HHAT: variants seen among roughly 807,000 people sequenced by gnomAD.
HHAT encodes the protein protein-cysteine N-palmitoyltransferase HHAT.
HHAT carries 47 observed loss-of-function variants against 70.8 expected under a neutral mutation model. The ratio of observed to expected loss-of-function variants is 0.66; its 90% CI spans 0.53 to 0.85. The LOEUF (loss-of-function observed/expected upper bound fraction) is 0.85. Among genes scored for constraint, HHAT ranks in the 40% least tolerant of loss-of-function variants. The pLI, the probability that HHAT is intolerant of heterozygous loss-of-function variation, is 0.00. For synonymous variants in HHAT, 228 were observed against 247.6 expected, an observed-to-expected ratio of 0.92 and a Z score of 0.74; for missense variants, 609 against 604.8, an observed-to-expected ratio of 1.01 and a Z score of -0.07.
In HHAT at chr1:210,666,859, G is replaced by A. The variant is rs537032728; in HGVS notation, c.1391-7429G>A. On this transcript the variant is annotated intron_variant, in intron 11 of 11. Transcript: ENST00000261458. ...TGTAATCCCAGCACTTTGGGAGGCC[G>A]AGGCAGGCAGATCACTAGGTCAGGA... is the stretch of plus-strand genomic sequence containing the variant. 3.9e-5 allele frequency among the ~76,000 whole-genome samples: 6 copies of A among 151,974 alleles called. No homozygotes were observed. The East Asian group carries it at 5.9e-4, about 15-fold the overall frequency.
rs186472913 is a variant in HHAT, at chr1:210,391,882, C to G, written c.273+4301C>G. ...AGTGCTATGTGATTTTTTTTTCCCC[C>G]CTTTACAGACAGGATCTCATTGTGT... On this transcript the variant is annotated intron_variant, in intron 4 of 11. Coordinates refer to ENST00000261458, the MANE Select transcript of HHAT (RefSeq NM_018194.6). 4.2e-4 allele frequency among the ~76,000 whole-genome samples: 64 copies of G among 151,962 alleles called. No individual in the cohort carries two copies. In the East Asian group the frequency reaches 0.011, roughly 27 times the overall value.
In HHAT at chr1:210,598,126, G is replaced by A. The variant is rs528272850; in HGVS notation, c.1245+10027G>A. On this transcript the variant is annotated intron_variant, in intron 10 of 11. Coordinates refer to ENST00000261458, the MANE Select transcript of HHAT (RefSeq NM_018194.6). ...AGGGTGTGTCTAGAAATGTCTGGGAGGTAGGGGTTGGGATGGGGGCCTCAA... is the reference window on the plus strand; with the variant it reads ...AGGGTGTGTCTAGAAATGTCTGGGAAGTAGGGGTTGGGATGGGGGCCTCAA... Among the ~76,000 whole-genome samples the A allele has an allele frequency of 1.9e-3, 293 of 152,032 alleles. 1 individual carries two copies. The highest frequency in any genetic ancestry group is 1.2e-3 in the Non-Finnish European group (84 of 67,988).
intron 1 of HHAT, among the ~76,000 whole-genome samples, chr1:210,337,200 A>G (rs1369188307): frequency 6.6e-6 from 1 of 152,200 alleles, no homozygotes; most frequent in East Asian, 1.9e-4. Flanking sequence ...ATTTTCTTCC[A>G]ATTTAAGTTT....
intron 9 of HHAT, among the ~76,000 whole-genome samples, chr1:210,573,228 T>C (rs1429050980): frequency 6.6e-6 from 1 of 152,160 alleles, no homozygotes; most frequent in Non-Finnish European, 1.5e-5. Flanking sequence ...TTCCCAGTTG[T>C]AAATCAAAAA....
chr1:210,456,847 T>A (rs950403502), intron 7 of HHAT, among the ~76,000 whole-genome samples: 1 of 152,206 alleles, frequency 6.6e-6, no homozygotes, highest in African/African-American at 2.4e-5. Context: ...TTAGCCCCTC[T>A]GGCCGGTCAA....
intron 8 of HHAT, among the ~76,000 whole-genome samples, chr1:210,504,734 C>T (rs190568122): frequency 2.6e-4 from 39 of 152,142 alleles, no homozygotes; most frequent in Admixed American, 9.2e-4. Context: ...CTGTTTTCAC[C>T]GTGTTTGTTC....
chr1:210,505,580 C>A (rs1163545055), intron 8 of HHAT, among the ~76,000 whole-genome samples: 2 of 152,298 alleles, frequency 1.3e-5, no homozygotes, highest in African/African-American at 4.8e-5. Flanking sequence ...CTAATCAGGG[C>A]TTCTTGAGTC....
intron 8 of HHAT, among the ~76,000 whole-genome samples, chr1:210,506,852 T>C (rs2094864654): frequency 6.6e-6 from 1 of 152,238 alleles, no homozygotes; most frequent in African/African-American, 2.4e-5. Context: ...TTTATTGCTT[T>C]CCGGAAGGCT....
chr1:210,619,546 C>A (rs1470287346), intron 10 of HHAT, among the ~76,000 whole-genome samples: 1 of 152,188 alleles, frequency 6.6e-6, no homozygotes, highest in Non-Finnish European at 1.5e-5. Context: ...CAAGCAAGAA[C>A]CCTGCTCTGT....
At chr1:210,650,201 A>T (rs942429934) in intron 11 of HHAT, among the ~76,000 whole-genome samples, 7 of 152,218 alleles carry the variant, frequency 4.6e-5, no homozygotes, top group African/African-American at 1.7e-4. Flanking sequence ...AGAGAATCAG[A>T]TGGCTCCTAT....
At chr1:210,654,913 A>G (rs1676059597) in intron 11 of HHAT, among the ~76,000 whole-genome samples, 1 of 152,198 alleles carries the variant, frequency 6.6e-6, no homozygotes, top group Non-Finnish European at 1.5e-5. Flanking sequence ...TTTTTGGGAC[A>G]CGGGAAGAAA....
intron 8 of HHAT, among the ~76,000 whole-genome samples, chr1:210,491,675 C>G (rs1474692905): frequency 6.6e-6 from 1 of 152,124 alleles, no homozygotes; most frequent in East Asian, 1.9e-4. Context: ...TGCTTCTGCC[C>G]CTATTCTTCA....
intron 8 of HHAT, among the ~76,000 whole-genome samples, chr1:210,500,400 AC>A (rs1307646367): frequency 1.3e-5 from 2 of 152,188 alleles, no homozygotes; most frequent in Admixed American, 6.5e-5. Flanking sequence ...ACCTGCTGGC[AC>A]CTTTTTGGTA....
intron 8 of HHAT, among the ~76,000 whole-genome samples, chr1:210,507,359 C>CTTTTTTTTTT (rs927392992): frequency 4.1e-5 from 5 of 122,528 alleles, no homozygotes; most frequent in Admixed American, 1.8e-4. Context: ...TTTCTTTTTT[C>CTTTTTTTTTT]TTTTTTTTTT....
intron 11 of HHAT, among the ~76,000 whole-genome samples, chr1:210,669,729 G>A (rs980208236): frequency 1.3e-5 from 2 of 152,206 alleles, no homozygotes; most frequent in African/African-American, 4.8e-5. Flanking sequence ...TGATTCTGGG[G>A]ACCCAGCCTT....
chr1:210,423,462 C>T (rs931808625), intron 7 of HHAT, among the ~76,000 whole-genome samples: 4 of 152,176 alleles, frequency 2.6e-5, no homozygotes, highest in African/African-American at 9.6e-5. Context: ...GGATATTAAT[C>T]ACCTGTTGGA....
chr1:210,374,243 A>G (rs949183512), intron 3 of HHAT: 1 of 147,088 alleles, frequency 6.8e-6, no homozygotes. Context: ...CGAAAGATTT[A>G]TTCGATCTGA....
chr1:210,385,146 A>G (rs1430259274), intron 3 of HHAT, among the ~76,000 whole-genome samples: 1 of 152,090 alleles, frequency 6.6e-6, no homozygotes, highest in Non-Finnish European at 1.5e-5. Flanking sequence ...ACCCTAAAAA[A>G]TTAAACTTGG....
At chr1:210,599,399 A>C (rs1663731737) in intron 10 of HHAT, among the ~76,000 whole-genome samples, 1 of 152,106 alleles carries the variant, frequency 6.6e-6, no homozygotes, top group Non-Finnish European at 1.5e-5. Flanking sequence ...CTGGCTGCTG[A>C]ACCTCTTGAC....
Sources: allele counts gnomAD v4.1 joint callset (sites outside exome capture counted in the v4.1 genomes callset), GRCh38; gene constraint gnomAD v4.1.1; transcripts MANE v1.5; gene names NCBI Gene and HGNC (gene_info 2026-07-23, HGNC 2026-07-21).